Variants in DPYS observed in about 807,000 individuals in gnomAD.
DPYS encodes the protein dihydropyrimidine amidohydrolase.
In DPYS, 39 loss-of-function variants were observed where a neutral mutation model predicts 50.3. The observed-to-expected ratio is 0.78, with a 90% confidence interval of 0.60 to 1.01. The LOEUF is 1.01. Among genes scored for constraint, DPYS ranks in the 50% least tolerant of loss-of-function variants. The pLI is 0.00. For missense variants in DPYS, 659 were observed against 680.9 expected, an observed-to-expected ratio of 0.97 and a Z score of 0.36; for synonymous variants, 245 against 250.7, an observed-to-expected ratio of 0.98 and a Z score of 0.22.
intron 2 of DPYS, among the ~76,000 whole-genome samples, chr8:104,448,798 G>A (rs1813629403): frequency 6.6e-6 from 1 of 152,140 alleles, no homozygotes; most frequent in Non-Finnish European, 1.5e-5. Context: ...AGTCAGCAAA[G>A]TTTAAGAATG....
In DPYS at chr8:104,428,129, AG is replaced by A; in HGVS notation, c.951-9del. The A allele has an allele frequency of 6.2e-7, 1 of 1,614,246 alleles. No homozygotes were observed. Among genetic ancestry groups the A allele is most frequent in the Admixed American group, 1.7e-5 (1 of 60,032 alleles). ...GTTGTGGTTAGATCATCACTGTAAA[AG>A]AAAAAACACGAGAGTGATGGGGTGA... On this transcript the variant is annotated splice_polypyrimidine_tract_variant and intron_variant, in intron 5 of 9. Transcript: ENST00000351513.
chr8:104,440,716 G>T (rs541224819), intron 4 of DPYS, among the ~76,000 whole-genome samples: 4 of 151,634 alleles, frequency 2.6e-5, no homozygotes, highest in African/African-American at 9.7e-5. Flanking sequence ...CCAAGATCGC[G>T]ACACTGCACT....
At chr8:104,419,336 A>C (rs1812474497) in intron 7 of DPYS, among the ~76,000 whole-genome samples, 1 of 152,084 alleles carries the variant, frequency 6.6e-6, no homozygotes, top group Non-Finnish European at 1.5e-5. Flanking sequence ...CATCCTTCTC[A>C]CTCACCTGTT....
At chr8:104,422,445 A>G (rs1812580288) in intron 7 of DPYS, among the ~76,000 whole-genome samples, 1 of 152,200 alleles carries the variant, frequency 6.6e-6, no homozygotes, top group African/African-American at 2.4e-5. Flanking sequence ...CAAAGTCACT[A>G]GGTCAGGGTT....
At chr8:104,425,601 GC>G (rs1315150127) in intron 6 of DPYS, among the ~76,000 whole-genome samples, 1 of 151,884 alleles carries the variant, frequency 6.6e-6, no homozygotes, top group Non-Finnish European at 1.5e-5. Flanking sequence ...AGGATTACAG[GC>G]ATAAGCCACC....
intron 4 of DPYS, among the ~76,000 whole-genome samples, chr8:104,443,193 T>A (rs2669435): frequency 0.62 from 94,203 of 152,070 alleles, 30,385 homozygotes; most frequent in Non-Finnish European, 0.72. Flanking sequence ...GACTAAAGTC[T>A]TTGAGTAAAA....
chr8:104,423,718 GC>G (rs1423719031), intron 7 of DPYS, among the ~76,000 whole-genome samples: 1 of 152,142 alleles, frequency 6.6e-6, no homozygotes, highest in Non-Finnish European at 1.5e-5. Flanking sequence ...GGTGGAATTT[GC>G]CAGACTTGCA....
At chr8:104,404,496 T>C (rs188540388) in intron 7 of DPYS, among the ~76,000 whole-genome samples, 1 of 152,384 alleles carries the variant, frequency 6.6e-6, no homozygotes, top group Non-Finnish European at 1.5e-5. Flanking sequence ...TAAACTTAAA[T>C]GAGTAAACAA....
At chr8:104,462,158 CTT>C (rs930655687) in intron 1 of DPYS, among the ~76,000 whole-genome samples, 1 of 152,016 alleles carries the variant, frequency 6.6e-6, no homozygotes, top group Non-Finnish European at 1.5e-5. Flanking sequence ...TTAAAAAACT[CTT>C]TTTGAATTGC....
chr8:104,465,796 T>G (rs934218545), intron 1 of DPYS, among the ~76,000 whole-genome samples: 9 of 152,204 alleles, frequency 5.9e-5, no homozygotes, highest in Non-Finnish European at 1.2e-4. Flanking sequence ...GGTTTAAGTT[T>G]CCTTTCATTG....
intron 9 of DPYS, 61 bp downstream of exon 9, chr8:104,381,123 G>C: frequency 7.3e-7 from 1 of 1,369,838 alleles, no homozygotes; most frequent in Non-Finnish European, 1.0e-6. Context: ...CCCTTATGAG[G>C]AGAGATGCTA....
intron 8 of DPYS, among the ~76,000 whole-genome samples, chr8:104,385,682 G>A (rs777618258): frequency 2.0e-5 from 3 of 152,222 alleles, no homozygotes; most frequent in South Asian, 2.1e-4. Context: ...ACTTTTGAGA[G>A]ATGGTTAGGC....
At chr8:104,401,288 GTATTATTATTATTAT>G (rs34804847) in intron 7 of DPYS, among the ~76,000 whole-genome samples, 7 of 143,050 alleles carry the variant, frequency 4.9e-5, no homozygotes, top group South Asian at 2.3e-4. Flanking sequence ...TATGAGGTAG[GTATTATTATTATTAT>G]TATTATTATT....
At position 104,466,993 on chromosome 8, in the gene DPYS, T is replaced by C; in HGVS notation, c.-73A>G. 4 of 1,356,896 alleles carry C rather than the reference T, an allele frequency of 2.9e-6. No homozygotes were observed. Among genetic ancestry groups the C allele is most frequent in the Non-Finnish European group, 1.9e-6 (2 of 1,060,386 alleles). 84.1% of individuals were successfully genotyped at this position (1,356,896 alleles called of 1,614,324 possible). A position where few individuals can be genotyped will look rare whatever the true frequency, so the allele number is the denominator to read the frequency against. ...CTGGGTTGGGCGGGCCGGGCGGGCTTGGGGTGCCCTCCTGCAAGGTCCCCA... is the reference window on the plus strand; with the variant it reads ...CTGGGTTGGGCGGGCCGGGCGGGCTCGGGGTGCCCTCCTGCAAGGTCCCCA... On this transcript the variant is annotated 5_prime_UTR_variant, in exon 1 of 10. Coordinates refer to ENST00000351513, the MANE Select transcript of DPYS (RefSeq NM_001385.3).
chr8:104,465,779 C>T (rs1349803037), intron 1 of DPYS, among the ~76,000 whole-genome samples: 2 of 152,208 alleles, frequency 1.3e-5, no homozygotes, highest in African/African-American at 2.4e-5. Context: ...ACAGGTTGGA[C>T]AAGTTTGGTT....
At chr8:104,419,681 G>GA (rs1412858961) in intron 7 of DPYS, 1 of 152,106 alleles carries the variant, frequency 6.6e-6, no homozygotes, top group Non-Finnish European at 1.5e-5. Flanking sequence ...AAAACATCAG[G>GA]AAAATCACAA....
intron 2 of DPYS, among the ~76,000 whole-genome samples, chr8:104,448,127 T>C (rs996418412): frequency 6.6e-6 from 1 of 151,824 alleles, no homozygotes; most frequent in African/African-American, 2.4e-5. Flanking sequence ...CAGGGGCAAG[T>C]TAGTATCAAA....
intron 1 of DPYS, among the ~76,000 whole-genome samples, chr8:104,465,513 A>C (rs998793897): frequency 2.6e-5 from 4 of 152,198 alleles, no homozygotes; most frequent in Non-Finnish European, 4.4e-5. Context: ...ACTTTAGCCC[A>C]AGTGCTGAGA....
rs1376478299 is a variant in DPYS, at chr8:104,379,504, C to T, written c.*354G>A. The T allele has an allele frequency of 3.0e-5, 5 of 168,550 alleles. No homozygotes were observed. Among genetic ancestry groups the T allele is most frequent in the Non-Finnish European group, 6.3e-5 (5 of 78,806 alleles). 10.4% of individuals were successfully genotyped at this position (168,550 alleles called of 1,614,324 possible). On this transcript the variant is annotated 3_prime_UTR_variant, in exon 10 of 10. Coordinates refer to ENST00000351513, the MANE Select transcript of DPYS (RefSeq NM_001385.3). ...CAGAGCTATTTTAAAACTAATGTAA[C>T]CATTTTTTTAAAAAAAGAAACTATT...
Sources: allele counts gnomAD v4.1 joint callset (sites outside exome capture counted in the v4.1 genomes callset), GRCh38; gene constraint gnomAD v4.1.1; transcripts MANE v1.5; gene names NCBI Gene and HGNC (gene_info 2026-07-23, HGNC 2026-07-21).